The following PTPRN2 variants were observed in gnomAD, a reference collection of about 807,000 sequenced individuals.
PTPRN2 encodes protein tyrosine phosphatase receptor type N2.
A neutral mutation model predicts 118.8 loss-of-function variants in PTPRN2; 74 were observed. The ratio of observed to expected loss-of-function variants is 0.62; its 90% confidence interval spans 0.52 to 0.76. The LOEUF (loss-of-function observed/expected upper bound fraction) is 0.76. Ranked by LOEUF, PTPRN2 falls within the 30% of genes least tolerant of loss-of-function variation. PTPRN2 has a pLI of 0.00. For synonymous variants in PTPRN2, 641 were observed against 608.0 expected (o/e 1.05, Z -0.80); for missense variants, 1,481 against 1,394.4 (o/e 1.06, Z -0.99).
At chr7:158,012,712 T>C (rs1020314972) in intron 11 of PTPRN2, among the ~76,000 whole-genome samples, 1 of 152,216 alleles carries the variant, frequency 6.6e-6, no homozygotes, top group Non-Finnish European at 1.5e-5. Context: ...GGTCACCTCT[T>C]GGACCATGGT....
At chr7:157,553,844 G>C (rs1446223318) in intron 21 of PTPRN2, among the ~76,000 whole-genome samples, 4 of 152,232 alleles carry the variant, frequency 2.6e-5, no homozygotes, top group Non-Finnish European at 5.9e-5. Context: ...GTGTGGTGGA[G>C]ACAGAAGCTT....
At chr7:157,651,577 G>A (rs76077980) in intron 14 of PTPRN2, among the ~76,000 whole-genome samples, 4,345 of 152,232 alleles carry the variant, frequency 0.029, 190 homozygotes, top group African/African-American at 0.097. Flanking sequence ...ACATCGGGAC[G>A]GTGACACTCT....
chr7:158,468,231 T>C (rs1024093232), intron 2 of PTPRN2, among the ~76,000 whole-genome samples: 4 of 152,238 alleles, frequency 2.6e-5, no homozygotes, highest in African/African-American at 9.6e-5. Flanking sequence ...GATTTGCATG[T>C]CCACAGAGAA....
chr7:158,164,406 GC>G (rs1201292154), intron 6 of PTPRN2, among the ~76,000 whole-genome samples: 1 of 25,710 alleles, frequency 3.9e-5, no homozygotes, highest in Non-Finnish European at 1.1e-4. Flanking sequence ...GAGCAGGAGC[GC>G]GCGCGTAGGA....
At chr7:158,299,644 G>A (rs1293010417) in intron 3 of PTPRN2, among the ~76,000 whole-genome samples, 1 of 152,140 alleles carries the variant, frequency 6.6e-6, no homozygotes, top group Admixed American at 6.5e-5. Flanking sequence ...CAGATAGCCA[G>A]GGCCTTCTGA....
At position 157,671,619 on chromosome 7, in the gene PTPRN2, G is replaced by A. The variant is rs1261646621; in HGVS notation, c.2001+11106C>T. 3.3e-5 allele frequency among the ~76,000 whole-genome samples: 5 copies of A among 152,146 alleles called. No individual in the cohort carries two copies. Among genetic ancestry groups the A allele is most frequent in the East Asian group, 3.9e-4 (2 of 5,182 alleles). Reference sequence around the variant, plus strand: ...AAAAGGTATTCACATCCTTCCATTCGGTGGCCACCACAGCTTAATTAAGCC... The same window carrying A: ...AAAAGGTATTCACATCCTTCCATTCAGTGGCCACCACAGCTTAATTAAGCC... On this transcript the variant is annotated intron_variant, in intron 13 of 22. Transcript: ENST00000389418. This position sits in a 1 kb window ranked among gnomAD's most constrained non-coding sequence, Gnocchi z 4.1.
intron 12 of PTPRN2, among the ~76,000 whole-genome samples, chr7:157,859,645 C>CCCA (rs1182546522): frequency 5.2e-5 from 2 of 38,736 alleles, no homozygotes; most frequent in Non-Finnish European, 9.7e-5. Flanking sequence ...GGGAGAGCCC[C>CCCA]GTCACCACCC....
intron 1 of PTPRN2, among the ~76,000 whole-genome samples, chr7:158,523,493 CGTCTGCCCTGGAG>C (rs1824412022): frequency 1.2e-5 from 1 of 84,474 alleles, no homozygotes; most frequent in African/African-American, 4.4e-5. Context: ...GGAGTGGAGT[CGTCTGCCCTGGAG>C]TGGAGTCGTC....
intron 11 of PTPRN2, among the ~76,000 whole-genome samples, chr7:158,006,449 CA>C (rs1563321845): frequency 1.4e-4 from 22 of 152,358 alleles, no homozygotes; most frequent in Non-Finnish European, 2.4e-4. Flanking sequence ...GACCTCCTGC[CA>C]TCCTGAGCCT....
chr7:158,096,703 C>T (rs925634578), intron 10 of PTPRN2, among the ~76,000 whole-genome samples: 3 of 152,218 alleles, frequency 2.0e-5, no homozygotes, highest in Non-Finnish European at 4.4e-5. Flanking sequence ...GCCTGGGCTC[C>T]GTTTGGGAAG....
intron 12 of PTPRN2, chr7:157,855,949 G>A (rs1490330284): frequency 6.6e-6 from 1 of 152,240 alleles, no homozygotes; most frequent in Non-Finnish European, 1.5e-5. Flanking sequence ...CTGGCCGGAA[G>A]TGCAGGGTTA....
chr7:158,061,311 G>C, intron 11 of PTPRN2, among the ~76,000 whole-genome samples: 1 of 152,246 alleles, frequency 6.6e-6, no homozygotes, highest in East Asian at 1.9e-4. Context: ...GGAGGACTGA[G>C]TCCACGCAGG....
intron 2 of PTPRN2, among the ~76,000 whole-genome samples, chr7:158,337,145 T>C (rs1243742484): frequency 6.6e-6 from 1 of 151,942 alleles, no homozygotes; most frequent in Non-Finnish European, 1.5e-5. Context: ...ACAGCCATAC[T>C]CTCACCATAA....
At chr7:157,669,807 G>A (rs79759374) in intron 13 of PTPRN2, among the ~76,000 whole-genome samples, 2,022 of 152,218 alleles carry the variant, frequency 0.013, 57 homozygotes, top group South Asian at 0.098. Flanking sequence ...CCATCCCTGC[G>A]GCGCCCAGAG....
In PTPRN2 at chr7:157,793,935, T is replaced by G. The variant is rs1171233933; in HGVS notation, c.1788+104738A>C. On this transcript the variant is annotated intron_variant, in intron 12 of 22. Coordinates refer to ENST00000389418, the MANE Select transcript of PTPRN2 (RefSeq NM_002847.5). ...CGGCCCCCTCTCTGCCAGAGCCAGG[T>G]CTGAGGTCAAGGCTTTCGGTGTTTC... 5.9e-5 allele frequency among the ~76,000 whole-genome samples: 9 copies of G among 152,204 alleles called. No homozygotes were observed. In the East Asian group the frequency reaches 1.7e-3, roughly 30 times the overall value.
intron 12 of PTPRN2, among the ~76,000 whole-genome samples, chr7:157,713,217 C>T (rs536323043): frequency 7.6e-5 from 3 of 39,612 alleles, no homozygotes; most frequent in African/African-American, 2.7e-4. Flanking sequence ...TCTCCATCCA[C>T]CCCTCCTCCT....
chr7:158,569,291 GAACGC>G (rs139079228), intron 1 of PTPRN2, among the ~76,000 whole-genome samples: 31,868 of 152,120 alleles, frequency 0.21, 3,749 homozygotes, highest in South Asian at 0.4. Flanking sequence ...GTCCCTGAGC[GAACGC>G]ACCGGCTTTG....
intron 9 of PTPRN2, among the ~76,000 whole-genome samples, chr7:158,129,329 C>A (rs1817971992): frequency 1.3e-5 from 2 of 150,632 alleles, no homozygotes; most frequent in Admixed American, 6.6e-5. Context: ...ACATACTGTA[C>A]ACCACGCACT....
At chr7:158,014,864 C>T (rs946885647) in intron 11 of PTPRN2, among the ~76,000 whole-genome samples, 1 of 145,202 alleles carries the variant, frequency 6.9e-6, no homozygotes, top group African/African-American at 2.5e-5. Flanking sequence ...ACCCATTCAC[C>T]TGTTCATTCA....
Sources: gnomAD v4.1 joint callset for allele counts (sites outside exome capture counted in the v4.1 genomes callset) on GRCh38, gnomAD v4.1.1 for gene constraint, Gnocchi (gnomAD v3.1) non-coding constraint, MANE v1.5 for transcripts, NCBI Gene and HGNC (gene_info 2026-07-23, HGNC 2026-07-21) for gene names.